The following ZBTB17 variants were observed in gnomAD, a reference collection of about 807,000 sequenced individuals.
ZBTB17 encodes zinc finger and BTB domain-containing protein 17.
ZBTB17 carries 24 observed loss-of-function variants against 85.1 expected under a neutral mutation model. That is an observed-to-expected ratio of 0.28 (90% CI 0.20 to 0.40). The LOEUF is 0.40. ZBTB17 is among the 10% of genes least tolerant of loss of function. The probability of loss-of-function intolerance (pLI) is 1.00; values close to 1 mark genes in which losing one functional copy is unlikely to be tolerated. For synonymous variants in ZBTB17, 464 were observed against 460.2 expected (o/e 1.01, Z -0.11); for missense variants, 743 against 1,105.1 (o/e 0.67, Z 4.65).
rs778737845 is a variant in ZBTB17 at position 15,970,180 on chromosome 1, G to A, written c.-3+2859C>T. 1.5e-4 allele frequency: 79 copies of A among 516,670 alleles called. 1 individual carries two copies. Among genetic ancestry groups the A allele is most frequent in the Admixed American group, 3.4e-4 (10 of 29,318 alleles). The allele number at this position is 516,670 out of a possible 1,614,324, so 32.0% of individuals were successfully genotyped here. A position where few individuals can be genotyped will look rare whatever the true frequency, so the allele number is the denominator to read the frequency against. The stretch of plus-strand genomic sequence containing the variant: ...TACAATAGTAGGACTTCTATTTGCT[G>A]CCAAGTTTATTTGCCAAGCTGATAA... On this transcript the variant is annotated intron_variant, in intron 2 of 15. Coordinates refer to ENST00000375743, the MANE Select transcript of ZBTB17 (RefSeq NM_003443.3).
intron 2 of ZBTB17, chr1:15,970,236 T>C (rs1364202757): frequency 4.5e-6 from 2 of 444,350 alleles, no homozygotes; most frequent in East Asian, 4.7e-5. Flanking sequence ...TCACTTATTT[T>C]TGAAGGGTGA....
chr1:15,969,532 T>A (rs1411640197), intron 2 of ZBTB17: 3 of 344,280 alleles, frequency 8.7e-6, no homozygotes, highest in East Asian at 1.8e-4. Context: ...GAGGCAGTAG[T>A]GTGGGGACTC....
At position 15,944,952 on chromosome 1, in the gene ZBTB17, G is replaced by A; in HGVS notation, c.912C>T (p.Val304=). ...TCTCCCTCACCTCGCACTTGTGGAT[G>A]ACGGAGCCGTAGGCCTTGGACTCCG... ...DRTESKAYGS[V]IHKCEDCGKE... is the part of the protein sequence containing the mutation. Residue 304 remains valine, a synonymous_variant, in exon 7 of 16, where the codon GTC becomes GTT. Transcript: ENST00000375743. 2 of 1,578,584 alleles carry A rather than the reference G, an allele frequency of 1.3e-6. No homozygotes were observed. The highest frequency in any genetic ancestry group is 1.7e-6 in the Non-Finnish European group (2 of 1,165,160).
chr1:15,945,976 T>C (rs779170929), intron 5 of ZBTB17, 136 bp from the exon 6 acceptor site: 4 of 1,547,402 alleles, frequency 2.6e-6, no homozygotes, highest in Non-Finnish European at 3.5e-6. Context: ...GCCAAGGCTG[T>C]TGTGTCTGCT....
rs201741952 is a variant in ZBTB17, at chr1:15,943,191, G to A, written c.1701C>T (p.Phe567=). The A allele has an allele frequency of 5.0e-4, 805 of 1,614,032 alleles. 1 individual carries two copies. Among genetic ancestry groups the A allele is most frequent in the Non-Finnish European group, 6.1e-4 (718 of 1,180,012 alleles). The change falls in exon 13 of 16, where the codon TTC becomes TTT. Residue 567 remains phenylalanine (F), a synonymous_variant. Coordinates refer to ENST00000375743, the MANE Select transcript of ZBTB17 (RefSeq NM_003443.3). ...GATTGGCCAACTGGCTGGACTGGAC[G>A]AATCTGTGGGGCCACAGGAAGGGAC... is the stretch of plus-strand genomic sequence containing the variant. ...PYVCERCGKR[F]VQSSQLANHI... is the part of the protein sequence containing the mutation.
chr1:15,960,189 G>A (rs541590533), intron 2 of ZBTB17, among the ~76,000 whole-genome samples: 10 of 152,258 alleles, frequency 6.6e-5, no homozygotes, highest in Non-Finnish European at 1.2e-4. Flanking sequence ...AAATCCAGCC[G>A]AAGCTAGTTA....
chr1:15,944,494 C>T lies in ZBTB17; in HGVS notation c.1177G>A (p.Glu393Lys), dbSNP rs2071503656. 2 of 1,580,594 alleles carry T rather than the reference C, an allele frequency of 1.3e-6. No homozygotes were observed. Among genetic ancestry groups the T allele is most frequent in the Non-Finnish European group, 1.7e-6 (2 of 1,165,550 alleles). ...RHSGEARYRC[E>K]DCGKLFTTSG... Reference sequence around the variant, plus strand: ...GTGGTGAAGAGCTTGCCGCAGTCCTCGCAGCGGTAGCGCGCCTCGCCCGAG... The same window carrying T: ...GTGGTGAAGAGCTTGCCGCAGTCCTTGCAGCGGTAGCGCGCCTCGCCCGAG... Residue 393 changes from glutamate (E) to lysine (K), a missense_variant, in exon 9 of 16, where the codon GAG (glutamate) becomes AAG (lysine). Physicochemically the swap from Glu to Lys is moderately conservative, Grantham distance 56. Around this residue, in one of 4 missense-constraint regions of ZBTB17, gnomAD observed 321 missense variants for 615.7 expected, o/e 0.52. Coordinates refer to ENST00000375743, the MANE Select transcript of ZBTB17 (RefSeq NM_003443.3).
chr1:15,944,158 G>C (rs941927345), intron 9 of ZBTB17, 142 bp downstream of exon 9: 12 of 1,288,916 alleles, frequency 9.3e-6, no homozygotes, highest in Non-Finnish European at 1.3e-5. Context: ...AGTGGCTCTC[G>C]CTGCGCCTGT....
At chr1:15,975,934 G>A in intron 1 of ZBTB17, 49 bp downstream of exon 1, 2 of 685,488 alleles carry the variant, frequency 2.9e-6, no homozygotes, top group East Asian at 2.8e-5. Context: ...CGCCGCCTCC[G>A]CCCCGGCTCC....
Position 15,964,146 on chromosome 1 carries a change from A to G in ZBTB17, c.-3+8893T>C, listed in dbSNP as rs1417781496. Among the ~76,000 whole-genome samples, 1 of 152,062 alleles carries G rather than the reference A, an allele frequency of 6.6e-6. No individual in the cohort carries two copies. The highest frequency in any genetic ancestry group is 1.5e-5 in the Non-Finnish European group (1 of 68,008). ...AGAGAAAAAAAAAAAAAGGTTTAAA[A>G]AGAACTAAAATGCACACCCACAGAA... On this transcript the variant is annotated intron_variant, in intron 2 of 15. Transcript: ENST00000375743. This position sits in a 1 kb window ranked among gnomAD's most constrained non-coding sequence, Gnocchi z 4.3.
chr1:15,969,228 G>A (rs1048660558), intron 2 of ZBTB17, among the ~76,000 whole-genome samples: 2 of 152,182 alleles, frequency 1.3e-5, no homozygotes, highest in African/African-American at 4.8e-5. Flanking sequence ...ATCAACCCCA[G>A]ATGGGATCGT....
At chr1:15,970,775 C>G (rs1397386892) in intron 2 of ZBTB17, among the ~76,000 whole-genome samples, 2 of 152,012 alleles carry the variant, frequency 1.3e-5, no homozygotes, top group Non-Finnish European at 2.9e-5. Context: ...TCTCGATCTC[C>G]TGACCTCGTG....
chr1:15,947,239 C>G, intron 3 of ZBTB17, 116 bp from the exon 4 acceptor site: 2 of 1,051,406 alleles, frequency 1.9e-6, no homozygotes, highest in Non-Finnish European at 1.4e-6. Flanking sequence ...GAGTGGCAAG[C>G]CTGCATCGCC....
At chr1:15,945,940 G>A in intron 5 of ZBTB17, 100 bp from the exon 6 acceptor site, 2 of 1,563,938 alleles carry the variant, frequency 1.3e-6, no homozygotes, top group Non-Finnish European at 1.7e-6. Context: ...GTGTGACCCA[G>A]GAGGGGAGGC....
Position 15,944,321 on chromosome 1 carries a change from G to A in ZBTB17, c.1350C>T (p.His450=). 3.9e-6 allele frequency: 6 copies of A among 1,554,034 alleles called. No individual in the cohort carries two copies. The highest frequency in any genetic ancestry group is 2.4e-5 in the East Asian group (1 of 41,028). ...HDTDKEHKCP[H]CDKKFNQVGN... is the part of the protein sequence containing the mutation. Reference sequence around the variant, plus strand: ...ACACCTGGTTGAACTTCTTGTCGCAGTGTGGGCACTTGTGCTCCTTGTCCG... The same window carrying A: ...ACACCTGGTTGAACTTCTTGTCGCAATGTGGGCACTTGTGCTCCTTGTCCG... Residue 450 remains histidine (H), a synonymous_variant, in exon 9 of 16, where the codon CAC becomes CAT. Transcript: ENST00000375743.
chr1:15,960,465 C>G (rs1473387935), intron 2 of ZBTB17, among the ~76,000 whole-genome samples: 1 of 152,158 alleles, frequency 6.6e-6, no homozygotes, highest in Non-Finnish European at 1.5e-5. Context: ...TCATCCTTAT[C>G]CTATCTTCTG....
chr1:15,971,886 CT>C (rs34488066), intron 2 of ZBTB17, among the ~76,000 whole-genome samples: 28 of 146,920 alleles, frequency 1.9e-4, no homozygotes, highest in East Asian at 6.0e-4. Flanking sequence ...ATAGTCATTA[CT>C]TTTTTTTTTT....
chr1:15,949,044 C>T (rs1333333725), intron 2 of ZBTB17, among the ~76,000 whole-genome samples: 3 of 152,288 alleles, frequency 2.0e-5, no homozygotes, highest in South Asian at 2.1e-4. Flanking sequence ...AGGCTCTGCA[C>T]GTACCCCATC....
chr1:15,944,814 G>C lies in ZBTB17; in HGVS notation c.953C>G (p.Thr318Arg). Residue 318 changes from threonine (T) to arginine (R), a missense_variant, in exon 8 of 16, where the codon ACG becomes AGG. Transcript: ENST00000375743. ...GCGGATGTGCCGCTTGAAGTTCCCC[G>C]TGTGCGTGAACTCCTTCCCACAGTC... is the stretch of plus-strand genomic sequence containing the variant. Reference protein sequence around the residue: ...CEDCGKEFTHTGNFKRHIRIH... With the variant: ...CEDCGKEFTHRGNFKRHIRIH... 6.2e-7 allele frequency: 1 copy of C among 1,607,378 alleles called. No individual in the cohort carries two copies. The highest frequency in any genetic ancestry group is 8.5e-7 in the Non-Finnish European group (1 of 1,177,282).
Sources: gnomAD v4.1 joint callset for allele counts (sites outside exome capture counted in the v4.1 genomes callset) on GRCh38, gnomAD v4.1.1 for gene constraint, gnomAD v4.1.1 regional missense constraint, Gnocchi (gnomAD v3.1) non-coding constraint, MANE v1.5 for transcripts, NCBI Gene and HGNC (gene_info 2026-07-23, HGNC 2026-07-21) for gene names.